TXNDC12: variants seen among roughly 807,000 people sequenced by gnomAD.
TXNDC12 encodes the protein thioredoxin domain containing 12.
In TXNDC12, 22 loss-of-function variants were observed where a neutral mutation model predicts 24.2. The observed-to-expected ratio is 0.91, with a 90% CI of 0.65 to 1.30. TXNDC12 has a LOEUF of 1.30. Ranked by LOEUF, TXNDC12 falls within the 50% of genes most tolerant of loss-of-function variation. The pLI is 0.00. For missense variants in TXNDC12, 184 were observed against 205.8 expected (o/e 0.89, Z 0.65); for synonymous variants, 58 against 73.4 (o/e 0.79, Z 1.07).
chr1:52,022,153 C>CT (rs1424783439), intron 6 of TXNDC12, among the ~76,000 whole-genome samples: 1 of 152,172 alleles, frequency 6.6e-6, no homozygotes, highest in Non-Finnish European at 1.5e-5. Flanking sequence ...ATCTCCTCCC[C>CT]GTCCCTAGTC....
intron 3 of TXNDC12, among the ~76,000 whole-genome samples, chr1:52,027,951 G>C (rs1293814027): frequency 6.6e-6 from 1 of 151,728 alleles, no homozygotes; most frequent in African/African-American, 2.4e-5. Flanking sequence ...TCAGCCTCCC[G>C]AGTAGCTAGG....
chr1:52,052,125 G>T (rs1159501243), intron 1 of TXNDC12, among the ~76,000 whole-genome samples: 1 of 152,104 alleles, frequency 6.6e-6, no homozygotes, highest in African/African-American at 2.4e-5. Context: ...CAGCTACCTG[G>T]TATTTCTCTG....
chr1:52,033,254 C>A (rs764206225), intron 2 of TXNDC12: 9 of 1,613,896 alleles, frequency 5.6e-6, no homozygotes. Flanking sequence ...TCCTTGGGTA[C>A]GTCGGCCTGG....
At position 52,023,554 on chromosome 1, in the gene TXNDC12, G is replaced by A; in HGVS notation, c.376C>T (p.Pro126Ser). ...LFLDPSGKVHPEIINENGNPS... is the reference protein window; with the variant it reads ...LFLDPSGKVHSEIINENGNPS... ...TTTCCATTCTCATTGATGATTTCAG[G>A]ATGCACCTTGCCACTGGGATCTGTT... Residue 126 changes from proline to serine, a missense_variant, in exon 6 of 7, where the codon CCT (proline) becomes TCT (serine). Transcript: ENST00000371626. 1.9e-6 allele frequency: 3 copies of A among 1,613,900 alleles called. No individual in the cohort carries two copies. The highest frequency in any genetic ancestry group is 2.5e-6 in the Non-Finnish European group (3 of 1,179,892).
At chr1:52,048,040 T>C (rs1686129262) in intron 1 of TXNDC12, among the ~76,000 whole-genome samples, 1 of 151,828 alleles carries the variant, frequency 6.6e-6, no homozygotes, top group Non-Finnish European at 1.5e-5. Context: ...CAGTAGAAAC[T>C]GGATAACAGA....
At chr1:52,053,099 C>CAAAAAAATACA (rs1686250512) in intron 1 of TXNDC12, among the ~76,000 whole-genome samples, 2 of 144,102 alleles carry the variant, frequency 1.4e-5, no homozygotes, top group Admixed American at 1.4e-4. Flanking sequence ...CAAAAAAATA[C>CAAAAAAATACA]AAAAAAAAAA....
chr1:52,033,944 G>A, intron 2 of TXNDC12: 2 of 1,428,576 alleles, frequency 1.4e-6, no homozygotes, highest in Non-Finnish European at 9.1e-7. Flanking sequence ...TCAGAAAGGA[G>A]ATACAGAGAC....
At chr1:52,035,819 T>G (rs984207663) in intron 2 of TXNDC12, among the ~76,000 whole-genome samples, 2 of 152,178 alleles carry the variant, frequency 1.3e-5, no homozygotes, top group Non-Finnish European at 2.9e-5. Flanking sequence ...TAAACCTACT[T>G]GAGACTTTAC....
chr1:52,038,316 T>C (rs964281569), intron 2 of TXNDC12, among the ~76,000 whole-genome samples: 6 of 118,690 alleles, frequency 5.1e-5, no homozygotes, highest in Admixed American at 2.5e-4. Context: ...CTGTATCTTG[T>C]TTTTTTTTTT....
chr1:52,020,860 T>C lies in TXNDC12; in HGVS notation c.*73A>G. On this transcript the variant is annotated 3_prime_UTR_variant, in exon 7 of 7. Coordinates refer to ENST00000371626, the MANE Select transcript of TXNDC12 (RefSeq NM_015913.4). ...TGGTCGGCTTAATTGTTCTAGATGA[T>C]TCCTCAATATTCCCTTCCCTGCTGC... 7.8e-7 allele frequency: 1 copy of C among 1,290,066 alleles called. No homozygotes were observed. Among genetic ancestry groups the C allele is most frequent in the Admixed American group, 1.7e-5 (1 of 57,552 alleles). 79.9% of individuals were successfully genotyped at this position (1,290,066 alleles called of 1,614,324 possible).
At chr1:52,025,509 C>T (rs897474794) in intron 4 of TXNDC12, among the ~76,000 whole-genome samples, 5 of 152,276 alleles carry the variant, frequency 3.3e-5, no homozygotes, top group African/African-American at 7.2e-5. Context: ...TAAGCCACCA[C>T]GCCCGGCCTA....
chr1:52,033,124 G>A (rs774092541), intron 2 of TXNDC12: 2 of 1,614,026 alleles, frequency 1.2e-6, no homozygotes, highest in South Asian at 1.1e-5. Context: ...AAAGCGCAGC[G>A]TTAGGGCCTC....
intron 3 of TXNDC12, 150 bp from the exon 4 acceptor site, chr1:52,027,498 A>G: frequency 1.7e-6 from 1 of 594,830 alleles, no homozygotes; most frequent in Admixed American, 3.0e-5. Flanking sequence ...CTAAAAAACA[A>G]GAATTAGGCT....
At chr1:52,022,586 G>C (rs1005948852) in intron 6 of TXNDC12, among the ~76,000 whole-genome samples, 2 of 149,814 alleles carry the variant, frequency 1.3e-5, no homozygotes, top group African/African-American at 4.9e-5. Context: ...TCTGTCCAGA[G>C]ATGAAATTTT....
Position 52,020,915 on chromosome 1 carries a change from A to C in TXNDC12, c.*18T>G, listed in dbSNP as rs1685586538. 6.2e-7 allele frequency: 1 copy of C among 1,601,062 alleles called. No homozygotes were observed. Among genetic ancestry groups the C allele is most frequent in the African/African-American group, 1.3e-5 (1 of 74,670 alleles). On this transcript the variant is annotated 3_prime_UTR_variant, in exon 7 of 7. Transcript: ENST00000371626. ...CTTCCAGAACACTAACTCTGATGAA[A>C]GAAGGGGCACATTCATGTTACAATT...
In TXNDC12 at chr1:52,028,592, C is replaced by T. The variant is rs563414797; in HGVS notation, c.197G>A (p.Cys66Tyr). The T allele has an allele frequency of 6.2e-7, 1 of 1,612,912 alleles. No homozygotes were observed. Among genetic ancestry groups the T allele is most frequent in the South Asian group, 1.1e-5 (1 of 90,596 alleles). ...PLMVIIHKSW[C>Y]GACKALKPKF... ...TTTGCACTTACCTTTGCAAGCTCCA[C>T]ACCAGGATTTATGAATAATCACCAT... Residue 66 changes from cysteine to tyrosine, a missense_variant, in exon 3 of 7, where the codon TGT becomes TAT. Cys to Tyr is a radical substitution (Grantham distance 194). Transcript: ENST00000371626.
At chr1:52,045,686 C>T (rs960539236) in intron 1 of TXNDC12, among the ~76,000 whole-genome samples, 5 of 152,172 alleles carry the variant, frequency 3.3e-5, no homozygotes, top group African/African-American at 9.7e-5. Context: ...GAATGTACAA[C>T]ACCAAGAATG....
intron 1 of TXNDC12, among the ~76,000 whole-genome samples, chr1:52,052,887 A>T (rs1208738152): frequency 6.6e-6 from 1 of 152,148 alleles, no homozygotes; most frequent in East Asian, 1.9e-4. Flanking sequence ...TGAGGAACGG[A>T]GGCTTTGAGA....
intron 4 of TXNDC12, among the ~76,000 whole-genome samples, chr1:52,026,367 G>A (rs1023220206): frequency 1.3e-5 from 2 of 152,088 alleles, no homozygotes; most frequent in African/African-American, 2.4e-5. Context: ...CCAACTCTAA[G>A]ATCTGACATT....
Sources: allele counts gnomAD v4.1 joint callset (sites outside exome capture counted in the v4.1 genomes callset), GRCh38; gene constraint gnomAD v4.1.1; transcripts MANE v1.5; gene names NCBI Gene and HGNC (gene_info 2026-07-23, HGNC 2026-07-21).